Variants in TSHZ2 observed in about 807,000 individuals in gnomAD.
TSHZ2 encodes teashirt homolog 2.
In TSHZ2, 21 loss-of-function variants were observed where a neutral mutation model predicts 74.4. The ratio of observed to expected loss-of-function variants is 0.28; its 90% CI spans 0.20 to 0.41. The LOEUF (loss-of-function observed/expected upper bound fraction) is 0.41. TSHZ2 is among the 10% of genes least tolerant of loss of function. TSHZ2 has a pLI of 1.00. For missense variants in TSHZ2, 1,244 were observed against 1,293.5 expected (o/e 0.96, Z 0.59); for synonymous variants, 540 against 515.3 (o/e 1.05, Z -0.65).
At chr20:53,170,633 A>T (rs1178902016) in intron 1 of TSHZ2, among the ~76,000 whole-genome samples, 2 of 152,242 alleles carry the variant, frequency 1.3e-5, no homozygotes, top group African/African-American at 4.8e-5. Context: ...TGACAATCAG[A>T]GAATGTCTCC....
At chr20:53,070,666 ATGTG>A (rs1028746941) in intron 1 of TSHZ2, among the ~76,000 whole-genome samples, 2 of 152,108 alleles carry the variant, frequency 1.3e-5, no homozygotes, top group African/African-American at 2.4e-5. Flanking sequence ...ATGTGTGTGT[ATGTG>A]TGTGTGTATT....
At chr20:53,315,490 T>A (rs550289128) in intron 2 of TSHZ2, among the ~76,000 whole-genome samples, 76 of 152,364 alleles carry the variant, frequency 5.0e-4, no homozygotes, top group African/African-American at 1.8e-3. Flanking sequence ...CGTGCTTGCC[T>A]TTGGTTGTTG....
chr20:52,992,647 G>T (rs1023628283), intron 1 of TSHZ2, among the ~76,000 whole-genome samples: 4 of 152,138 alleles, frequency 2.6e-5, no homozygotes, highest in African/African-American at 7.2e-5. Context: ...TTTCCTCAAA[G>T]ATTTTTTTTT....
At chr20:53,128,693 C>T (rs1160127753) in intron 1 of TSHZ2, among the ~76,000 whole-genome samples, 3 of 151,716 alleles carry the variant, frequency 2.0e-5, no homozygotes, top group African/African-American at 7.3e-5. Context: ...GCAATCTCAG[C>T]TCACTGCAAC....
At chr20:53,241,330 C>A (rs1384516348) in intron 1 of TSHZ2, among the ~76,000 whole-genome samples, 1 of 152,130 alleles carries the variant, frequency 6.6e-6, no homozygotes, top group Non-Finnish European at 1.5e-5. Flanking sequence ...CTCAGACTCG[C>A]TGTTCCATAT....
chr20:53,019,707 C>T lies in TSHZ2; in HGVS notation c.40+46374C>T, dbSNP rs563120937. 9.2e-5 allele frequency among the ~76,000 whole-genome samples: 14 copies of T among 152,272 alleles called. No homozygotes were observed. In the South Asian group the frequency reaches 2.7e-3, roughly 29 times the overall value. On this transcript the variant is annotated intron_variant, in intron 1 of 2. Transcript: ENST00000371497. Reference sequence around the variant, plus strand: ...GGCAAGTTGCCTACTTCCTCCAAGCCTCCGTTCTTGTTTGTAAAATGAGGA... The same window carrying T: ...GGCAAGTTGCCTACTTCCTCCAAGCTTCCGTTCTTGTTTGTAAAATGAGGA...
At position 53,395,637 on chromosome 20, in the gene TSHZ2, C is replaced by G. The variant is rs534027658; in HGVS notation, c.*9-91507C>G. Among the ~76,000 whole-genome samples, 21 of 152,350 alleles carry G rather than the reference C, an allele frequency of 1.4e-4. No individual in the cohort carries two copies. The South Asian group carries it at 4.3e-3, about 32-fold the overall frequency. On this transcript the variant is annotated intron_variant, in intron 2 of 2. Coordinates refer to ENST00000371497, the MANE Select transcript of TSHZ2 (RefSeq NM_173485.6). ...GCTGTGGCCAATTCAAACTTCCCTTCCAAATGTTTTTCAATAATCTGAAAT... is the reference window on the plus strand; with the variant it reads ...GCTGTGGCCAATTCAAACTTCCCTTGCAAATGTTTTTCAATAATCTGAAAT...
chr20:53,349,980 A>G (rs949629905), intron 2 of TSHZ2, among the ~76,000 whole-genome samples: 1 of 152,174 alleles, frequency 6.6e-6, no homozygotes, highest in Non-Finnish European at 1.5e-5. Context: ...AGCTGCCTGC[A>G]TTACTTGGCT....
chr20:53,004,004 T>C (rs1445996406), intron 1 of TSHZ2, among the ~76,000 whole-genome samples: 1 of 152,066 alleles, frequency 6.6e-6, no homozygotes, highest in Non-Finnish European at 1.5e-5. Flanking sequence ...TCAGGGGAGT[T>C]CATATTCGAT....
At chr20:53,108,659 C>T (rs1289031349) in intron 1 of TSHZ2, among the ~76,000 whole-genome samples, 1 of 152,088 alleles carries the variant, frequency 6.6e-6, no homozygotes, top group African/African-American at 2.4e-5. Context: ...TGAGCACAAC[C>T]CAAAGAGATG....
At chr20:53,330,046 A>C (rs1207678552) in intron 2 of TSHZ2, among the ~76,000 whole-genome samples, 1 of 152,234 alleles carries the variant, frequency 6.6e-6, no homozygotes, top group Non-Finnish European at 1.5e-5. Context: ...TCACGATACA[A>C]TGGCAGAGTT....
chr20:53,191,637 T>G (rs1289264488), intron 1 of TSHZ2, among the ~76,000 whole-genome samples: 2 of 152,246 alleles, frequency 1.3e-5, no homozygotes, highest in Non-Finnish European at 2.9e-5. Context: ...CGCTCCAGCC[T>G]GGGTGACAGA....
At chr20:53,382,204 C>A (rs950914000) in intron 2 of TSHZ2, among the ~76,000 whole-genome samples, 4 of 152,192 alleles carry the variant, frequency 2.6e-5, no homozygotes. Context: ...GTATCTTACT[C>A]TCTTGTGCTC....
intron 1 of TSHZ2, among the ~76,000 whole-genome samples, chr20:53,047,711 C>T (rs987607615): frequency 1.8e-4 from 27 of 151,712 alleles, no homozygotes; most frequent in African/African-American, 6.1e-4. Flanking sequence ...AATACAGTCA[C>T]GGGCCATTTT....
At chr20:53,057,029 A>G (rs1480501396) in intron 1 of TSHZ2, among the ~76,000 whole-genome samples, 1 of 152,094 alleles carries the variant, frequency 6.6e-6, no homozygotes, top group East Asian at 1.9e-4. Context: ...TTTTTCCTGT[A>G]CTGTTCTCAT....
At chr20:53,028,708 G>A (rs1983535310) in intron 1 of TSHZ2, among the ~76,000 whole-genome samples, 1 of 152,158 alleles carries the variant, frequency 6.6e-6, no homozygotes, top group Non-Finnish European at 1.5e-5. Context: ...TGCTGGAGAT[G>A]GGAATAACTT....
At chr20:53,410,587 CATTATTATTATTATT>C (rs71194476) in intron 2 of TSHZ2, among the ~76,000 whole-genome samples, 6 of 141,846 alleles carry the variant, frequency 4.2e-5, no homozygotes, top group Non-Finnish European at 7.6e-5. Context: ...ATTATCGTCA[CATTATTATTATTATT>C]ATTATTATTA....
At chr20:53,294,425 TTGAG>T (rs1281661486) in intron 2 of TSHZ2, among the ~76,000 whole-genome samples, 1 of 152,072 alleles carries the variant, frequency 6.6e-6, no homozygotes, top group African/African-American at 2.4e-5. Context: ...ATTGGAATGA[TTGAG>T]TGAGATCATC....
intron 2 of TSHZ2, among the ~76,000 whole-genome samples, chr20:53,415,113 A>G (rs1983191213): frequency 6.6e-6 from 1 of 152,200 alleles, no homozygotes; most frequent in African/African-American, 2.4e-5. Flanking sequence ...CAAATTAAGA[A>G]GACAACACCT....
Sources: gnomAD v4.1 joint callset for allele counts (sites outside exome capture counted in the v4.1 genomes callset) on GRCh38, gnomAD v4.1.1 for gene constraint, MANE v1.5 for transcripts, NCBI Gene and HGNC (gene_info 2026-07-23, HGNC 2026-07-21) for gene names.